TMUB2: variants seen among roughly 807,000 people sequenced by gnomAD.
TMUB2 encodes the protein transmembrane and ubiquitin like domain containing 2.
A neutral mutation model predicts 20.2 loss-of-function variants in TMUB2; 19 were observed. That is an observed-to-expected ratio of 0.94 (90% CI 0.66 to 1.38). The LOEUF is 1.38. Among genes scored for constraint, TMUB2 ranks in the 40% most tolerant of loss-of-function variants. The probability of loss-of-function intolerance (pLI) is 0.00; values close to 1 mark genes in which losing one functional copy is unlikely to be tolerated. For missense variants in TMUB2, 426 were observed against 402.5 expected (o/e 1.06, Z -0.50); for synonymous variants, 186 against 166.0 (o/e 1.12, Z -0.92).
Position 44,191,790 on chromosome 17 carries a change from T to C in TMUB2, c.*926T>C. 2 of 967,274 alleles carry C rather than the reference T, an allele frequency of 2.1e-6. No individual in the cohort carries two copies. Among genetic ancestry groups the C allele is most frequent in the East Asian group, 1.1e-4 (1 of 8,708 alleles). The allele number at this position is 967,274 out of a possible 1,614,324, so 59.9% of individuals were successfully genotyped here. ...GCCCCCAGGAAAATGGTAATGAGAG[T>C]AGGTAGGCCGGGGCTACCAACGGGA... On this transcript the variant is annotated 3_prime_UTR_variant, in exon 4 of 4. Coordinates refer to ENST00000538716, the MANE Select transcript of TMUB2 (RefSeq NM_001076674.3).
intron 3 of TMUB2, 68 bp downstream of exon 3, chr17:44,189,656 C>T (rs867492742): frequency 4.2e-6 from 6 of 1,419,686 alleles, no homozygotes; most frequent in Middle Eastern, 2.5e-4. Flanking sequence ...TCTAAGGAGG[C>T]TGGTGCAGAC....
At chr17:44,189,823 C>T (rs1329057000) in intron 3 of TMUB2, 2 of 418,118 alleles carry the variant, frequency 4.8e-6, no homozygotes, top group East Asian at 8.0e-5. Flanking sequence ...CCAGCCTGAC[C>T]AACATGGTGA....
At chr17:44,189,705 A>G in intron 3 of TMUB2, 117 bp downstream of exon 3, 1 of 956,602 alleles carries the variant, frequency 1.0e-6, no homozygotes, top group Non-Finnish European at 1.5e-6. Context: ...AGCCCCTACC[A>G]AGGGCAGGTA....
At chr17:44,188,916 CCTT>C (rs1359269522) in intron 2 of TMUB2, 103 bp from the exon 3 acceptor site, 12 of 1,441,072 alleles carry the variant, frequency 8.3e-6, no homozygotes, top group Admixed American at 5.8e-5. Context: ...ACACTGAACT[CCTT>C]TTTTTTTTTT....
At position 44,190,894 on chromosome 17, in the gene TMUB2, C is replaced by G. The variant is rs1308071767; in HGVS notation, c.*30C>G. The G allele has an allele frequency of 3.8e-6, 6 of 1,571,376 alleles. No homozygotes were observed. The highest frequency in any genetic ancestry group is 1.7e-6 in the Non-Finnish European group (2 of 1,158,164). ...ATAGGAAGAAAATGAAAGGCATGGT[C>G]TTTCTCCTTTACGGCCTCCCCACTT... is the stretch of plus-strand genomic sequence containing the variant. On this transcript the variant is annotated 3_prime_UTR_variant, in exon 4 of 4. Coordinates refer to ENST00000538716, the MANE Select transcript of TMUB2 (RefSeq NM_001076674.3).
At chr17:44,190,036 C>G (rs1435086500) in intron 3 of TMUB2, 1 of 165,072 alleles carries the variant, frequency 6.1e-6, no homozygotes, top group South Asian at 1.5e-4. Flanking sequence ...CAAATACACC[C>G]CTCATTAGTT....
intron 1 of TMUB2, 101 bp downstream of exon 1, chr17:44,187,210 C>T (rs2054562264): frequency 6.4e-6 from 1 of 156,434 alleles, no homozygotes; most frequent in Non-Finnish European, 1.4e-5. Context: ...CCCAGCCCCG[C>T]CCCGAAGTTT....
At position 44,191,454 on chromosome 17, in the gene TMUB2, CATTTT is replaced by C. The variant is rs980912458; in HGVS notation, c.*601_*605del. The C allele has an allele frequency of 1.1e-4, 107 of 986,042 alleles. No individual in the cohort carries two copies. Among genetic ancestry groups the C allele is most frequent in the East Asian group, 5.7e-4 (5 of 8,822 alleles). The allele number at this position is 986,042 out of a possible 1,614,324, so 61.1% of individuals were successfully genotyped here. On this transcript the variant is annotated 3_prime_UTR_variant, in exon 4 of 4. Transcript: ENST00000538716. ...CCCTTCTTTCAAAGCACTTTGCTTG[CATTTT>C]ATTTTATTTTTTTAAGAGTCCTTCA...
rs754027769 is a variant in TMUB2, at chr17:44,189,458, C to T, written c.472C>T (p.Pro158Ser). Residue 158 changes from proline to serine, a missense_variant, in exon 3 of 4, where the codon CCC (proline) becomes TCC (serine). Coordinates refer to ENST00000538716, the MANE Select transcript of TMUB2 (RefSeq NM_001076674.3). ...AGAGSSSPEAPLRSEDSTCLP... is the reference protein window; with the variant it reads ...AGAGSSSPEASLRSEDSTCLP... ...TGCAGGCAGCAGCAGTCCAGAGGCC[C>T]CCCTGAGATCTGAGGATAGCACCTG... The T allele has an allele frequency of 3.7e-6, 6 of 1,614,106 alleles. No homozygotes were observed. Among genetic ancestry groups the T allele is most frequent in the Non-Finnish European group, 5.1e-6 (6 of 1,180,000 alleles).
chr17:44,187,651 G>GC (rs971458768), intron 1 of TMUB2, 25 bp from the exon 2 acceptor site: 2 of 717,452 alleles, frequency 2.8e-6, no homozygotes, highest in African/African-American at 3.5e-5. Context: ...AATTACTACC[G>GC]TTATTAAGCA....
Position 44,191,072 on chromosome 17 carries a change from T to G in TMUB2, c.*208T>G. ...CCCTCCCGTGCGAGCACAACTCAGGTAGAAATGAGGATGTCATCTTCCTTC... is the reference window on the plus strand; with the variant it reads ...CCCTCCCGTGCGAGCACAACTCAGGGAGAAATGAGGATGTCATCTTCCTTC... On this transcript the variant is annotated 3_prime_UTR_variant, in exon 4 of 4. Coordinates refer to ENST00000538716, the MANE Select transcript of TMUB2 (RefSeq NM_001076674.3). 7.3e-7 allele frequency: 1 copy of G among 1,360,748 alleles called. No homozygotes were observed. Among genetic ancestry groups the G allele is most frequent in the Non-Finnish European group, 9.4e-7 (1 of 1,058,894 alleles). 84.3% of individuals were successfully genotyped at this position (1,360,748 alleles called of 1,614,324 possible). A position where few individuals can be genotyped will look rare whatever the true frequency, so the allele number is the denominator to read the frequency against.
Position 44,190,634 on chromosome 17 carries a change from G to A in TMUB2, c.736G>A (p.Gly246Arg), listed in dbSNP as rs144708577. The change falls in exon 4 of 4, where the codon GGG becomes AGG. Residue 246 changes from glycine to arginine, a missense_variant. Physicochemically the swap from Gly to Arg is moderately radical, Grantham distance 125. Coordinates refer to ENST00000538716, the MANE Select transcript of TMUB2 (RefSeq NM_001076674.3). ...CVIHCHRSPP[G>R]SAVPGPSASL... ...GATTCACTGCCACCGCTCACCCCCAGGGTCAGCTGTTCCAGGCCCCTCAGC... is the reference window on the plus strand; with the variant it reads ...GATTCACTGCCACCGCTCACCCCCAAGGTCAGCTGTTCCAGGCCCCTCAGC... The A allele has an allele frequency of 4.5e-5, 73 of 1,614,122 alleles. No individual in the cohort carries two copies. The highest frequency in any genetic ancestry group is 5.5e-5 in the Non-Finnish European group (65 of 1,180,050).
In TMUB2 at chr17:44,190,914, C is replaced by T. The variant is rs755884638; in HGVS notation, c.*50C>T. Reference sequence around the variant, plus strand: ...ATGGTCTTTCTCCTTTACGGCCTCCCCACTTTTCCTGGCCAGAGCTGGGCC... The same window carrying T: ...ATGGTCTTTCTCCTTTACGGCCTCCTCACTTTTCCTGGCCAGAGCTGGGCC... On this transcript the variant is annotated 3_prime_UTR_variant, in exon 4 of 4. Transcript: ENST00000538716. 11 of 1,541,312 alleles carry T rather than the reference C, an allele frequency of 7.1e-6. No homozygotes were observed. In the South Asian group the frequency reaches 1.4e-4, roughly 20 times the overall value.
At position 44,189,350 on chromosome 17, in the gene TMUB2, G is replaced by A. The variant is rs1472307549; in HGVS notation, c.364G>A (p.Gly122Arg). The A allele has an allele frequency of 1.9e-6, 3 of 1,602,512 alleles. No individual in the cohort carries two copies. The African/African-American group carries it at 4.0e-5, about 21-fold the overall frequency. ...EAGEGRGDSTGEAGAGGGVEP... is the reference protein window; with the variant it reads ...EAGEGRGDSTREAGAGGGVEP... ...GGGTGAAGGTCGGGGAGACTCCACT[G>A]GGGAGGCTGGAGCTGGGGGTGGTGT... The change falls in exon 3 of 4, where the codon GGG becomes AGG. Residue 122 changes from glycine (G) to arginine (R), a missense_variant. By Grantham distance (125) the Gly-to-Arg change is moderately radical (BLOSUM62 -2). Transcript: ENST00000538716.
chr17:44,187,494 G>C (rs2054618441), intron 1 of TMUB2, 182 bp from the exon 2 acceptor site: 1 of 594,938 alleles, frequency 1.7e-6, no homozygotes, highest in Non-Finnish European at 3.0e-6. Flanking sequence ...CGGACACCTG[G>C]GGTCCTGCCG....
Position 44,191,133 on chromosome 17 carries a change from G to C in TMUB2, c.*269G>C, listed in dbSNP as rs977521157. On this transcript the variant is annotated 3_prime_UTR_variant, in exon 4 of 4. Coordinates refer to ENST00000538716, the MANE Select transcript of TMUB2 (RefSeq NM_001076674.3). Reference sequence around the variant, plus strand: ...TCCTCTGAAGGAGTTCAAAGCTGCTGGCCAAGCTCAGTGGGGAGCCTGGGC... The same window carrying C: ...TCCTCTGAAGGAGTTCAAAGCTGCTCGCCAAGCTCAGTGGGGAGCCTGGGC... The C allele has an allele frequency of 8.5e-7, 1 of 1,183,192 alleles. No homozygotes were observed. The highest frequency in any genetic ancestry group is 1.6e-5 in the African/African-American group (1 of 63,730). 73.3% of individuals were successfully genotyped at this position (1,183,192 alleles called of 1,614,324 possible).
Position 44,190,574 on chromosome 17 carries a change from A to G in TMUB2, c.676A>G (p.Thr226Ala), listed in dbSNP as rs1182700217. The G allele has an allele frequency of 3.7e-6, 6 of 1,614,190 alleles. No homozygotes were observed. Among genetic ancestry groups the G allele is most frequent in the Non-Finnish European group, 4.2e-6 (5 of 1,180,038 alleles). ...CCGCCTGCTACAAGACCCAGCCCGCACACTGCGTTCTCTGAACATTACCGA... is the reference window on the plus strand; with the variant it reads ...CCGCCTGCTACAAGACCCAGCCCGCGCACTGCGTTCTCTGAACATTACCGA... ...QGRLLQDPAR[T>A]LRSLNITDNC... The change falls in exon 4 of 4, where the codon ACA becomes GCA. Residue 226 changes from threonine (T) to alanine (A), a missense_variant. Coordinates refer to ENST00000538716, the MANE Select transcript of TMUB2 (RefSeq NM_001076674.3).
rs745854326 is a variant in TMUB2 at position 44,191,037 on chromosome 17, G to GA, written c.*173_*174insA. On this transcript the variant is annotated 3_prime_UTR_variant, in exon 4 of 4. Coordinates refer to ENST00000538716, the MANE Select transcript of TMUB2 (RefSeq NM_001076674.3). ...CGGCCTCCCCTTCTCATCCACAGGA[G>GA]TACAGATGTCCCTCCCGTGCGAGCA... is the stretch of plus-strand genomic sequence containing the variant. The GA allele has an allele frequency of 1.2e-3, 1,707 of 1,434,672 alleles. No homozygotes were observed. Among genetic ancestry groups the GA allele is most frequent in the Non-Finnish European group, 1.4e-3 (1,588 of 1,099,962 alleles). 88.9% of individuals were successfully genotyped at this position (1,434,672 alleles called of 1,614,324 possible).
chr17:44,189,079 T>A lies in TMUB2; in HGVS notation c.93T>A (p.Gly31=). The change falls in exon 3 of 4, where the codon GGT becomes GGA. Residue 31 remains glycine (G), a synonymous_variant. Transcript: ENST00000538716. ...TCTCTGATGTCACCCTCATTGAGGG[T>A]GTGGGTAATGAGGTGATGGTGGTGG... ...MELSDVTLIE[G]VGNEVMVVAG... 1 of 1,613,396 alleles carries A rather than the reference T, an allele frequency of 6.2e-7. No homozygotes were observed. The highest frequency in any genetic ancestry group is 2.2e-5 in the East Asian group (1 of 44,866).
Sources: allele counts gnomAD v4.1 joint callset, GRCh38; gene constraint gnomAD v4.1.1; transcripts MANE v1.5; gene names NCBI Gene and HGNC (gene_info 2026-07-23, HGNC 2026-07-21).